Variants in NSD2 observed in about 807,000 individuals in gnomAD.
NSD2 encodes nuclear receptor binding SET domain protein 2.
Under a neutral mutation model 139.0 loss-of-function variants are expected in NSD2, and 12 were observed. That is an observed-to-expected ratio of 0.09 (90% CI 0.06 to 0.14). NSD2 has a LOEUF of 0.14. NSD2 is among the 10% of genes least tolerant of loss of function. The pLI is 1.00. For synonymous variants in NSD2, 669 were observed against 648.7 expected (o/e 1.03, Z -0.48); for missense variants, 1,155 against 1,745.0 (o/e 0.66, Z 6.02).
In NSD2 at chr4:1,872,609, A is replaced by T. The variant is rs1023195968; in HGVS notation, c.-30+1067A>T. ...GTGTGTGTGAGAGAGAGAGAGAGAG[A>T]GAGAGAGAGAGAGAGAGAGAGAGAG... On this transcript the variant is annotated intron_variant, in intron 1 of 21. Transcript: ENST00000508803. 6.0e-3 allele frequency among the ~76,000 whole-genome samples: 837 copies of T among 139,680 alleles called. 6 individuals are homozygous for T. Among genetic ancestry groups the T allele is most frequent in the African/African-American group, 0.019 (722 of 37,958 alleles). The allele number at this position is 139,680 out of a possible 152,430, so 91.6% of individuals were successfully genotyped here.
At chr4:1,971,482 A>G (rs1294030553) in intron 18 of NSD2, among the ~76,000 whole-genome samples, 1 of 152,164 alleles carries the variant, frequency 6.6e-6, no homozygotes, top group Admixed American at 6.5e-5. Flanking sequence ...TGTCGAAAAG[A>G]AGGACAGAAT....
chr4:1,949,811 A>G (rs1382999781), intron 9 of NSD2, among the ~76,000 whole-genome samples: 1 of 151,598 alleles, frequency 6.6e-6, no homozygotes, highest in Non-Finnish European at 1.5e-5. Context: ...TGAAGTCAGC[A>G]AACACTTCTG....
At position 1,979,464 on chromosome 4, in the gene NSD2, C is replaced by T. The variant is rs1474723036; in HGVS notation, c.*555C>T. On this transcript the variant is annotated 3_prime_UTR_variant, in exon 22 of 22. Transcript: ENST00000508803. ...TTTTTTTGTACTAATGTGAATTGTT[C>T]CTCAGAAACGCTTCTTTTCCATCCT... is the stretch of plus-strand genomic sequence containing the variant. 2 of 233,190 alleles carry T rather than the reference C, an allele frequency of 8.6e-6. No homozygotes were observed. The highest frequency in any genetic ancestry group is 1.7e-5 in the Non-Finnish European group (2 of 118,114). 14.4% of individuals were successfully genotyped at this position (233,190 alleles called of 1,614,324 possible).
intron 18 of NSD2, among the ~76,000 whole-genome samples, chr4:1,966,371 A>ACGTACATT (rs57703773): frequency 0.96 from 145,685 of 152,096 alleles, 70,090 homozygotes; most frequent in East Asian, 1. Flanking sequence ...GATTGAAGAG[A>ACGTACATT]TAGGGCTGGG....
intron 3 of NSD2, 107 bp from the exon 4 acceptor site, chr4:1,916,764 C>A: frequency 9.1e-7 from 1 of 1,098,586 alleles, no homozygotes; most frequent in Non-Finnish European, 1.3e-6. Context: ...TTGAGGTTAA[C>A]AGGCTCAGAC....
chr4:1,903,419 A>C (rs1324847471), intron 2 of NSD2, among the ~76,000 whole-genome samples: 1 of 152,150 alleles, frequency 6.6e-6, no homozygotes, highest in Non-Finnish European at 1.5e-5. Context: ...CCAAGGACTC[A>C]AATTACATGT....
chr4:1,961,174 G>C (rs1187294108), intron 18 of NSD2, 23 bp downstream of exon 18: 1 of 1,571,178 alleles, frequency 6.4e-7, no homozygotes, highest in Non-Finnish European at 8.7e-7. Context: ...TCCACTGTGA[G>C]CTTCTGCAGT....
intron 1 of NSD2, among the ~76,000 whole-genome samples, chr4:1,872,289 A>G (rs1038556915): frequency 7.9e-5 from 12 of 152,154 alleles, no homozygotes; most frequent in African/African-American, 2.9e-4. Flanking sequence ...CCCAGGATGC[A>G]GATTGATAGT....
intron 9 of NSD2, chr4:1,947,505 A>G: frequency 9.5e-7 from 1 of 1,057,338 alleles, no homozygotes; most frequent in Non-Finnish European, 1.1e-6. Context: ...AGTTTGTGTA[A>G]CCTAGAAGGG....
At chr4:1,910,048 A>C (rs1430758051) in intron 3 of NSD2, among the ~76,000 whole-genome samples, 1 of 152,212 alleles carries the variant, frequency 6.6e-6, no homozygotes, top group Non-Finnish European at 1.5e-5. Flanking sequence ...TATAATATAC[A>C]TGCAAAAGTG....
In NSD2 at chr4:1,979,065, G is replaced by C. The variant is rs777987575; in HGVS notation, c.*156G>C. 1 of 943,518 alleles carries C rather than the reference G, an allele frequency of 1.1e-6. No homozygotes were observed. Among genetic ancestry groups the C allele is most frequent in the African/African-American group, 1.7e-5 (1 of 60,068 alleles). 58.4% of individuals were successfully genotyped at this position (943,518 alleles called of 1,614,324 possible). Reference sequence around the variant, plus strand: ...CGGGAGGGAGCGCCTCCCCACCACTGAGCCATCCTCAGCAGCGTCCGCTGC... The same window carrying C: ...CGGGAGGGAGCGCCTCCCCACCACTCAGCCATCCTCAGCAGCGTCCGCTGC... On this transcript the variant is annotated 3_prime_UTR_variant, in exon 22 of 22. Coordinates refer to ENST00000508803, the MANE Select transcript of NSD2 (RefSeq NM_001042424.3).
Position 1,980,716 on chromosome 4 carries a change from A to C in NSD2, c.*1807A>C, listed in dbSNP as rs564693472. ...GGGTCCCCAGCAAAGTTAACTACACAGAGGACCCAGGGGAAACGAGCTGTG... is the reference window on the plus strand; with the variant it reads ...GGGTCCCCAGCAAAGTTAACTACACCGAGGACCCAGGGGAAACGAGCTGTG... On this transcript the variant is annotated 3_prime_UTR_variant, in exon 22 of 22. Coordinates refer to ENST00000508803, the MANE Select transcript of NSD2 (RefSeq NM_001042424.3). 8.6e-6 allele frequency: 2 copies of C among 233,168 alleles called. No individual in the cohort carries two copies. Among genetic ancestry groups the C allele is most frequent in the East Asian group, 1.2e-4 (2 of 16,570 alleles). The allele number at this position is 233,168 out of a possible 1,614,324, so 14.4% of individuals were successfully genotyped here. A position where few individuals can be genotyped will look rare whatever the true frequency, so the allele number is the denominator to read the frequency against.
In NSD2 at chr4:1,904,398, G is replaced by T; in HGVS notation, c.760+20G>T. Reference sequence around the variant, plus strand: ...TTAAAGGTATTGTGTTCTTTGGGTTGTTTTTCCAACTTTCTCTTCTGCACT... The same window carrying T: ...TTAAAGGTATTGTGTTCTTTGGGTTTTTTTTCCAACTTTCTCTTCTGCACT... On this transcript the variant is annotated intron_variant, in intron 3 of 21. Coordinates refer to ENST00000508803, the MANE Select transcript of NSD2 (RefSeq NM_001042424.3). 1.3e-6 allele frequency: 2 copies of T among 1,586,888 alleles called. No individual in the cohort carries two copies. Among genetic ancestry groups the T allele is most frequent in the Non-Finnish European group, 8.6e-7 (1 of 1,164,764 alleles).
chr4:1,872,181 C>CT (rs1713835953), intron 1 of NSD2, among the ~76,000 whole-genome samples: 1 of 152,066 alleles, frequency 6.6e-6, no homozygotes, highest in Non-Finnish European at 1.5e-5. Context: ...CGGTCCGGCC[C>CT]TTGGCAGGTG....
rs144545468 is a variant in NSD2 at position 1,926,734 on chromosome 4, G to A, written c.1411-3892G>A. On this transcript the variant is annotated intron_variant, in intron 5 of 21. Transcript: ENST00000508803. ...GATCTGCCCACCTCGGCCTCCCTAA[G>A]TGCTGGGATTATAGGTGTGAGCCAT... is the stretch of plus-strand genomic sequence containing the variant. Among the ~76,000 whole-genome samples the A allele has an allele frequency of 5.1e-3, 777 of 152,278 alleles. 5 individuals carry two copies. The highest frequency in any genetic ancestry group is 0.018 in the African/African-American group (749 of 41,542).
chr4:1,977,866 C>T (rs944177307), intron 21 of NSD2, among the ~76,000 whole-genome samples: 1 of 151,382 alleles, frequency 6.6e-6, no homozygotes, highest in Non-Finnish European at 1.5e-5. Context: ...TGGCTCATGC[C>T]TCTAATCCCA....
At position 1,947,609 on chromosome 4, in the gene NSD2, G is replaced by A. The variant is rs552258374; in HGVS notation, c.1882-3463G>A. Reference sequence around the variant, plus strand: ...TAACATTTTACTGTGCTGTTAACTTGGAAGACCTGTTTGAAATTAGTCTTG... The same window carrying A: ...TAACATTTTACTGTGCTGTTAACTTAGAAGACCTGTTTGAAATTAGTCTTG... On this transcript the variant is annotated intron_variant, in intron 9 of 21. Transcript: ENST00000508803. 5.7e-6 allele frequency: 6 copies of A among 1,054,590 alleles called. No individual in the cohort carries two copies. The East Asian group carries it at 2.7e-4, about 47-fold the overall frequency. 65.3% of individuals were successfully genotyped at this position (1,054,590 alleles called of 1,614,324 possible).
chr4:1,953,987 A>ATTTTTTTTT (rs750322460), intron 12 of NSD2, among the ~76,000 whole-genome samples: 19 of 133,326 alleles, frequency 1.4e-4, no homozygotes, highest in African/African-American at 4.8e-4. Flanking sequence ...ATTTTTGTAA[A>ATTTTTTTTT]TTTTTTTTTT....
chr4:1,902,188 TC>T (rs1717276840), intron 2 of NSD2, among the ~76,000 whole-genome samples: 1 of 152,198 alleles, frequency 6.6e-6, no homozygotes, highest in Non-Finnish European at 1.5e-5. Context: ...GCTGTTTAGT[TC>T]TCGCTCATGT....
Sources: allele counts gnomAD v4.1 joint callset (sites outside exome capture counted in the v4.1 genomes callset), GRCh38; gene constraint gnomAD v4.1.1; transcripts MANE v1.5; gene names NCBI Gene and HGNC (gene_info 2026-07-23, HGNC 2026-07-21).